CAMK2D: variants seen among roughly 807,000 people sequenced by gnomAD.
The protein encoded by CAMK2D is calcium/calmodulin dependent protein kinase II delta.
In CAMK2D, 37 loss-of-function variants were observed where a neutral mutation model predicts 84.0. That is an observed-to-expected ratio of 0.44 (90% CI 0.34 to 0.58). The LOEUF (loss-of-function observed/expected upper bound fraction) is 0.58, where lower values mean the gene tolerates loss of function less well. CAMK2D is among the 20% of genes least tolerant of loss of function. The pLI is 0.02. For synonymous variants in CAMK2D, 202 were observed against 212.5 expected, an observed-to-expected ratio of 0.95 and a Z score of 0.43; for missense variants, 448 against 652.5, an observed-to-expected ratio of 0.69 and a Z score of 3.41.
chr4:113,680,013 T>C (rs946090062), intron 2 of CAMK2D, among the ~76,000 whole-genome samples: 3 of 152,198 alleles, frequency 2.0e-5, no homozygotes, highest in African/African-American at 7.2e-5. Context: ...TAAAGAAGTC[T>C]AGTAATTTGT....
chr4:113,501,340 G>A (rs2098041974), intron 15 of CAMK2D, among the ~76,000 whole-genome samples: 1 of 149,842 alleles, frequency 6.7e-6, no homozygotes, highest in South Asian at 2.1e-4. Context: ...AATAATGTAT[G>A]AGTAAAATAT....
intron 3 of CAMK2D, among the ~76,000 whole-genome samples, chr4:113,623,834 A>T (rs35507223): frequency 0.081 from 12,303 of 151,976 alleles, 561 homozygotes; most frequent in South Asian, 0.2. Flanking sequence ...CTTCTGTGTA[A>T]GGACATTTGA....
At chr4:113,654,362 A>C (rs919734207) in intron 3 of CAMK2D, among the ~76,000 whole-genome samples, 2 of 152,040 alleles carry the variant, frequency 1.3e-5, no homozygotes, top group African/African-American at 4.8e-5. Context: ...TCAGCACATG[A>C]AATTTTATGT....
chr4:113,526,176 A>G (rs2098415955), intron 8 of CAMK2D, among the ~76,000 whole-genome samples: 1 of 152,220 alleles, frequency 6.6e-6, no homozygotes, highest in African/African-American at 2.4e-5. Context: ...AGACATTTTC[A>G]TAGCTGTGTG....
At chr4:113,525,177 C>T (rs759838549) in intron 8 of CAMK2D, among the ~76,000 whole-genome samples, 27 of 152,060 alleles carry the variant, frequency 1.8e-4, no homozygotes, top group South Asian at 4.1e-4. Flanking sequence ...AAGGTTTGTC[C>T]GAAGTCAAGG....
At chr4:113,690,624 ACTTC>A (rs1021456428) in intron 2 of CAMK2D, among the ~76,000 whole-genome samples, 2 of 152,174 alleles carry the variant, frequency 1.3e-5, no homozygotes, top group African/African-American at 4.8e-5. Flanking sequence ...ACATTTCCCA[ACTTC>A]CTTATCTTTT....
intron 4 of CAMK2D, among the ~76,000 whole-genome samples, chr4:113,570,331 A>C (rs1032038822): frequency 2.6e-5 from 4 of 152,200 alleles, no homozygotes; most frequent in Admixed American, 6.5e-5. Flanking sequence ...GGAACCTCAA[A>C]CAGCTAGAGC....
At chr4:113,671,206 C>T (rs2099280783) in intron 2 of CAMK2D, among the ~76,000 whole-genome samples, 1 of 151,946 alleles carries the variant, frequency 6.6e-6, no homozygotes, top group African/African-American at 2.4e-5. Flanking sequence ...AATACTAACA[C>T]ATTAAAAATA....
At chr4:113,627,910 A>C (rs985556613) in intron 3 of CAMK2D, among the ~76,000 whole-genome samples, 1 of 152,184 alleles carries the variant, frequency 6.6e-6, no homozygotes, top group African/African-American at 2.4e-5. Context: ...ATGGGATTAC[A>C]AATAAATTTT....
At chr4:113,483,896 G>A (rs1357687209) in intron 16 of CAMK2D, among the ~76,000 whole-genome samples, 1 of 151,982 alleles carries the variant, frequency 6.6e-6, no homozygotes, top group Non-Finnish European at 1.5e-5. Context: ...TTATTTAAAT[G>A]AAAAAGGGGT....
intron 4 of CAMK2D, among the ~76,000 whole-genome samples, chr4:113,603,771 T>TA (rs1561290012): frequency 4.6e-5 from 4 of 86,948 alleles, no homozygotes; most frequent in African/African-American, 9.3e-5. Flanking sequence ...TTTCTTGCTA[T>TA]TTTATATATA....
In CAMK2D at chr4:113,650,023, T is replaced by C. The variant is rs187535485; in HGVS notation, c.220+11690A>G. ...CTTGAATGAACCCAGGAGGCAGAGG[T>C]TGCAGTGAGCCAAGATCGTGCCACT... is the stretch of plus-strand genomic sequence containing the variant. On this transcript the variant is annotated intron_variant, in intron 3 of 20. Transcript: ENST00000511664. 7.6e-4 allele frequency among the ~76,000 whole-genome samples: 116 copies of C among 151,688 alleles called. 2 individuals are homozygous for C. Among genetic ancestry groups the C allele is most frequent in the Admixed American group, 7.0e-3 (106 of 15,246 alleles).
At chr4:113,626,830 T>A (rs970009499) in intron 3 of CAMK2D, among the ~76,000 whole-genome samples, 6 of 152,014 alleles carry the variant, frequency 3.9e-5, no homozygotes, top group Admixed American at 6.6e-5. Flanking sequence ...CACAATGTTT[T>A]AAAAAAAACT....
chr4:113,630,493 T>C (rs144533556), intron 3 of CAMK2D, among the ~76,000 whole-genome samples: 12 of 152,248 alleles, frequency 7.9e-5, no homozygotes, highest in Middle Eastern at 3.4e-3. Flanking sequence ...TCCAGAATTG[T>C]TGGGAGGGCT....
chr4:113,715,390 T>A (rs757237), intron 2 of CAMK2D, among the ~76,000 whole-genome samples: 2 of 151,832 alleles, frequency 1.3e-5, no homozygotes, highest in African/African-American at 4.8e-5. Flanking sequence ...TTTTTGGTAG[T>A]TACTATTAAG....
At chr4:113,737,095 A>G (rs1313302793) in intron 2 of CAMK2D, among the ~76,000 whole-genome samples, 5 of 152,184 alleles carry the variant, frequency 3.3e-5, no homozygotes, top group Non-Finnish European at 5.9e-5. Flanking sequence ...CAATAAAGAA[A>G]TCAAAATTAT....
chr4:113,601,683 C>CTTTTTTTTTTTTTTTT (rs755850795), intron 4 of CAMK2D, among the ~76,000 whole-genome samples: 12 of 45,822 alleles, frequency 2.6e-4, no homozygotes, highest in Non-Finnish European at 3.5e-4. Context: ...ACTGTTTATT[C>CTTTTTTTTTTTTTTTT]TTTTTTTTTT....
chr4:113,716,538 T>G (rs372805625), intron 2 of CAMK2D, among the ~76,000 whole-genome samples: 2 of 150,912 alleles, frequency 1.3e-5, no homozygotes, highest in East Asian at 3.9e-4. Context: ...GTAGTCCCAG[T>G]TACTCTGGAG....
chr4:113,485,130 G>T (rs937428200), intron 16 of CAMK2D, among the ~76,000 whole-genome samples: 1 of 152,048 alleles, frequency 6.6e-6, no homozygotes, highest in Non-Finnish European at 1.5e-5. Flanking sequence ...TGAAAGACTG[G>T]GTTAATAAGA....
Sources: allele counts gnomAD v4.1 joint callset (sites outside exome capture counted in the v4.1 genomes callset), GRCh38; gene constraint gnomAD v4.1.1; transcripts MANE v1.5; gene names NCBI Gene and HGNC (gene_info 2026-07-23, HGNC 2026-07-21).